The following GTF2E2 variants were observed in gnomAD, a reference collection of about 807,000 sequenced individuals.
GTF2E2 encodes the protein general transcription factor IIE subunit 2.
In GTF2E2, 21 loss-of-function variants were observed where a neutral mutation model predicts 40.5. The observed-to-expected ratio is 0.52, with a 90% confidence interval of 0.37 to 0.75. GTF2E2 has a LOEUF of 0.75. GTF2E2 is among the 30% of genes least tolerant of loss of function. The pLI is 0.00. For synonymous variants in GTF2E2, 117 were observed against 121.6 expected, an observed-to-expected ratio of 0.96 and a Z score of 0.25; for missense variants, 298 against 338.4, an observed-to-expected ratio of 0.88 and a Z score of 0.94.
At chr8:30,646,305 T>C (rs1236772373) in intron 2 of GTF2E2, among the ~76,000 whole-genome samples, 2 of 152,142 alleles carry the variant, frequency 1.3e-5, no homozygotes, top group African/African-American at 4.8e-5. Context: ...ACCTCTCTTA[T>C]TTATACTCTC....
intron 6 of GTF2E2, among the ~76,000 whole-genome samples, chr8:30,589,812 T>C (rs1367444903): frequency 2.0e-5 from 3 of 152,114 alleles, no homozygotes; most frequent in Non-Finnish European, 2.9e-5. Flanking sequence ...CACTGAGCAA[T>C]TGCACTTTTT....
intron 2 of GTF2E2, among the ~76,000 whole-genome samples, chr8:30,641,409 C>CGGGA (rs1433142839): frequency 6.6e-6 from 1 of 152,146 alleles, no homozygotes; most frequent in African/African-American, 2.4e-5. Context: ...ATCACCCAGG[C>CGGGA]GGGAGTGCAA....
In GTF2E2 at chr8:30,653,485, C is replaced by T. The variant is rs1200236065; in HGVS notation, c.114G>A (p.Lys38=). ...CTCCATGTTCTACCTTTGTTTTCTT[C>T]TTCTTTGACGATGATGATGATGACT... is the stretch of plus-strand genomic sequence containing the variant. ...SSESSSSSSK[K]KKTKVEHGGS... Residue 38 remains lysine, a synonymous_variant, in exon 2 of 8, where the codon AAG becomes AAA. Coordinates refer to ENST00000355904, the MANE Select transcript of GTF2E2 (RefSeq NM_002095.6). 6.2e-7 allele frequency: 1 copy of T among 1,613,874 alleles called. No homozygotes were observed. Among genetic ancestry groups the T allele is most frequent in the African/African-American group, 1.3e-5 (1 of 75,052 alleles).
chr8:30,628,435 T>C (rs1801346989), intron 3 of GTF2E2, among the ~76,000 whole-genome samples: 1 of 152,162 alleles, frequency 6.6e-6, no homozygotes, highest in South Asian at 2.1e-4. Context: ...CAATTATTAT[T>C]AACTTATCAT....
intron 6 of GTF2E2, among the ~76,000 whole-genome samples, chr8:30,597,956 T>C (rs933706707): frequency 7.2e-5 from 11 of 152,210 alleles, no homozygotes; most frequent in Non-Finnish European, 1.6e-4. Flanking sequence ...TAGCCAGAAT[T>C]TTACATGTCA....
In GTF2E2 at chr8:30,609,129, G is replaced by A. The variant is rs189506220; in HGVS notation, c.550-1979C>T. Among the ~76,000 whole-genome samples the A allele has an allele frequency of 9.5e-4, 144 of 152,092 alleles. 1 individual carries two copies. Among genetic ancestry groups the A allele is most frequent in the Admixed American group, 2.5e-3 (38 of 15,272 alleles). On this transcript the variant is annotated intron_variant, in intron 5 of 7. Coordinates refer to ENST00000355904, the MANE Select transcript of GTF2E2 (RefSeq NM_002095.6). ...AAAAATAGAAAAATTAGCTGAACAC[G>A]GTGGCAGGTGTCTGTAATCCCAGCT...
At chr8:30,624,838 T>C (rs1276910540) in intron 3 of GTF2E2, among the ~76,000 whole-genome samples, 1 of 152,116 alleles carries the variant, frequency 6.6e-6, no homozygotes, top group Non-Finnish European at 1.5e-5. Context: ...AGAATGCTTG[T>C]GGTTTTTGCA....
chr8:30,631,510 T>C (rs1041939248), intron 3 of GTF2E2, among the ~76,000 whole-genome samples: 3 of 152,334 alleles, frequency 2.0e-5, no homozygotes, highest in African/African-American at 4.8e-5. Context: ...TTACTTTAGA[T>C]TGAGTGTGCA....
chr8:30,610,141 T>C (rs533144804), intron 5 of GTF2E2, among the ~76,000 whole-genome samples: 4 of 152,276 alleles, frequency 2.6e-5, no homozygotes, highest in Non-Finnish European at 4.4e-5. Context: ...TTTCAAAATA[T>C]ATTACAGAGC....
chr8:30,612,987 C>G (rs1161599618), intron 4 of GTF2E2, among the ~76,000 whole-genome samples: 1 of 152,178 alleles, frequency 6.6e-6, no homozygotes, highest in African/African-American at 2.4e-5. Flanking sequence ...TAGATCAGCA[C>G]GGTGCTCACT....
intron 5 of GTF2E2, among the ~76,000 whole-genome samples, chr8:30,610,973 A>AACAACAAAAACAC (rs1433541453): frequency 6.6e-6 from 1 of 152,232 alleles, no homozygotes; most frequent in Non-Finnish European, 1.5e-5. Flanking sequence ...CCCACAATTC[A>AACAACAAAAACAC]ACAACAAAAA....
chr8:30,636,800 C>T, intron 2 of GTF2E2: 1 of 283,244 alleles, frequency 3.5e-6, no homozygotes, highest in Non-Finnish European at 6.8e-6. Context: ...TTGCAGTGAG[C>T]CGAGATAGTG....
intron 6 of GTF2E2, among the ~76,000 whole-genome samples, chr8:30,586,480 G>A (rs191166432): frequency 1.3e-5 from 2 of 152,076 alleles, no homozygotes; most frequent in African/African-American, 4.8e-5. Flanking sequence ...GTGATCCACA[G>A]ATTCAATGCA....
At chr8:30,601,924 T>C (rs1018638455) in intron 6 of GTF2E2, among the ~76,000 whole-genome samples, 3 of 152,206 alleles carry the variant, frequency 2.0e-5, no homozygotes, top group Non-Finnish European at 4.4e-5. Flanking sequence ...GCTATCATCT[T>C]CATGGTGACT....
intron 6 of GTF2E2, among the ~76,000 whole-genome samples, chr8:30,583,930 C>A (rs1828594794): frequency 6.7e-6 from 1 of 150,258 alleles, no homozygotes; most frequent in Non-Finnish European, 1.5e-5. Flanking sequence ...CTCAGCCTCC[C>A]GAGTAGCTGG....
At chr8:30,594,320 C>A (rs1413545721) in intron 6 of GTF2E2, among the ~76,000 whole-genome samples, 1 of 151,662 alleles carries the variant, frequency 6.6e-6, no homozygotes, top group Admixed American at 6.6e-5. Context: ...TGCAATGGCG[C>A]GATCTCAGCT....
At chr8:30,583,763 T>G (rs1417474542) in intron 6 of GTF2E2, among the ~76,000 whole-genome samples, 1 of 152,134 alleles carries the variant, frequency 6.6e-6, no homozygotes, top group Non-Finnish European at 1.5e-5. Flanking sequence ...ATTACACAGA[T>G]AATCCATGAC....
chr8:30,658,047 G>T lies in GTF2E2; in HGVS notation c.-79C>A. On this transcript the variant is annotated 5_prime_UTR_variant, in exon 1 of 8. Coordinates refer to ENST00000355904, the MANE Select transcript of GTF2E2 (RefSeq NM_002095.6). Reference sequence around the variant, plus strand: ...TCCGCCTCGGCCGGCCGCCCACGCCGGCACTGCACCCTCTTCCTGCTTCTC... The same window carrying T: ...TCCGCCTCGGCCGGCCGCCCACGCCTGCACTGCACCCTCTTCCTGCTTCTC... 1 of 157,392 alleles carries T rather than the reference G, an allele frequency of 6.4e-6. No homozygotes were observed. The highest frequency in any genetic ancestry group is 1.7e-4 in the South Asian group (1 of 5,720). The allele number at this position is 157,392 out of a possible 1,614,324, so 9.7% of individuals were successfully genotyped here.
At chr8:30,619,575 G>T (rs986053828) in intron 3 of GTF2E2, among the ~76,000 whole-genome samples, 3 of 151,264 alleles carry the variant, frequency 2.0e-5, no homozygotes, top group Admixed American at 1.3e-4. Flanking sequence ...TTTTAGTAGA[G>T]ACGGGGTTTC....
Sources: allele counts gnomAD v4.1 joint callset (sites outside exome capture counted in the v4.1 genomes callset), GRCh38; gene constraint gnomAD v4.1.1; transcripts MANE v1.5; gene names NCBI Gene and HGNC (gene_info 2026-07-23, HGNC 2026-07-21).